The following DCC variants were observed in gnomAD, a reference collection of about 807,000 sequenced individuals.
The protein encoded by DCC is netrin receptor DCC.
Under a neutral mutation model 172.5 loss-of-function variants are expected in DCC, and 58 were observed. The observed-to-expected ratio is 0.34, with a 90% CI of 0.27 to 0.42. The LOEUF is 0.42. Among genes scored for constraint, DCC ranks in the 10% least tolerant of loss-of-function variants. The pLI, the probability that DCC is intolerant of heterozygous loss-of-function variation, is 1.00. For synonymous variants in DCC, 709 were observed against 644.5 expected (o/e 1.10, Z -1.52); for missense variants, 1,740 against 1,791.0 (o/e 0.97, Z 0.51).
At chr18:53,470,862 A>T (rs1277030440) in intron 25 of DCC, among the ~76,000 whole-genome samples, 4 of 152,186 alleles carry the variant, frequency 2.6e-5, no homozygotes, top group Non-Finnish European at 5.9e-5. Flanking sequence ...CCTTCTCTTG[A>T]CATGTGGGGA....
At chr18:53,015,967 T>C (rs1165159698) in intron 5 of DCC, among the ~76,000 whole-genome samples, 1 of 152,170 alleles carries the variant, frequency 6.6e-6, no homozygotes, top group African/African-American at 2.4e-5. Flanking sequence ...ACTTGTGGAA[T>C]TCATTAAGTA....
intron 1 of DCC, among the ~76,000 whole-genome samples, chr18:52,484,815 G>GAA (rs33941491): frequency 0.017 from 2,299 of 136,546 alleles, 44 homozygotes; most frequent in East Asian, 0.04. Context: ...TTTTAAAAAG[G>GAA]AAAAAAAAAA....
intron 21 of DCC, among the ~76,000 whole-genome samples, chr18:53,417,590 CCT>C (rs972496630): frequency 6.6e-6 from 1 of 152,098 alleles, no homozygotes; most frequent in African/African-American, 2.4e-5. Flanking sequence ...ATTGAAACAA[CCT>C]CTCATAACCT....
At chr18:52,360,176 T>C (rs1984557061) in intron 1 of DCC, among the ~76,000 whole-genome samples, 1 of 152,218 alleles carries the variant, frequency 6.6e-6, no homozygotes, top group Non-Finnish European at 1.5e-5. Context: ...CTGTGAACCG[T>C]TTATTATTTA....
At position 52,364,891 on chromosome 18, in the gene DCC, A is replaced by G. The variant is rs563888525; in HGVS notation, c.91+24013A>G. On this transcript the variant is annotated intron_variant, in intron 1 of 28. Transcript: ENST00000442544. ...ATGAGTTTCTTGGGTGATCCTTTTCACCTCCTACTCCCACTATATTTTTTC... is the reference window on the plus strand; with the variant it reads ...ATGAGTTTCTTGGGTGATCCTTTTCGCCTCCTACTCCCACTATATTTTTTC... 1.8e-4 allele frequency among the ~76,000 whole-genome samples: 27 copies of G among 151,990 alleles called. No individual in the cohort carries two copies. The South Asian group carries it at 3.7e-3, about 21-fold the overall frequency.
In DCC at chr18:52,999,746, A is replaced by AT. The variant is rs1369087762; in HGVS notation, c.986-63556dup. On this transcript the variant is annotated intron_variant, in intron 5 of 28. Transcript: ENST00000442544. ...ACTGGACCAATTATTATCATCCATAATTTATGAAATTATTGGCTTAACACC... is the reference window on the plus strand; with the variant it reads ...ACTGGACCAATTATTATCATCCATAATTTTATGAAATTATTGGCTTAACACC... Among the ~76,000 whole-genome samples the AT allele has an allele frequency of 4.6e-5, 7 of 152,014 alleles. 1 individual carries two copies. The highest frequency in any genetic ancestry group is 1.7e-4 in the African/African-American group (7 of 41,352).
chr18:53,499,104 A>G lies in DCC; in HGVS notation c.3899-194A>G, dbSNP rs73960506. On this transcript the variant is annotated intron_variant, in intron 26 of 28. Coordinates refer to ENST00000442544, the MANE Select transcript of DCC (RefSeq NM_005215.4). Reference sequence around the variant, plus strand: ...TTCCTGTCCTGCTGGATCTATTTCTATTGTTTAAAGGGGAAGTGCTGTCAT... The same window carrying G: ...TTCCTGTCCTGCTGGATCTATTTCTGTTGTTTAAAGGGGAAGTGCTGTCAT... 8.5e-3 allele frequency among the ~76,000 whole-genome samples: 1,288 copies of G among 152,250 alleles called. 13 individuals are homozygous for G. The highest frequency in any genetic ancestry group is 0.03 in the African/African-American group (1,236 of 41,548).
intron 7 of DCC, among the ~76,000 whole-genome samples, chr18:53,155,207 C>T (rs1373813260): frequency 6.6e-6 from 1 of 151,892 alleles, no homozygotes; most frequent in African/African-American, 2.4e-5. Context: ...TTCCACTACC[C>T]AGATGAATTT....
chr18:52,816,560 C>T (rs2038300791), intron 2 of DCC: 1 of 148,914 alleles, frequency 6.7e-6, no homozygotes, highest in African/African-American at 2.5e-5. Context: ...GCTGTTTTTT[C>T]CTCTATAGAA....
chr18:53,095,766 A>C (rs2043076919), intron 7 of DCC, among the ~76,000 whole-genome samples: 1 of 148,354 alleles, frequency 6.7e-6, no homozygotes, highest in South Asian at 2.2e-4. Context: ...TAAATTAACA[A>C]TTTCTAGGGA....
At chr18:53,383,120 AGGTTT>A (rs1453715078) in intron 15 of DCC, among the ~76,000 whole-genome samples, 2 of 152,138 alleles carry the variant, frequency 1.3e-5, no homozygotes, top group African/African-American at 4.8e-5. Context: ...CAGACTAAGT[AGGTTT>A]GATCCCTTTG....
intron 21 of DCC, among the ~76,000 whole-genome samples, chr18:53,431,630 A>C (rs1271928915): frequency 6.6e-6 from 1 of 151,950 alleles, no homozygotes; most frequent in African/African-American, 2.4e-5. Context: ...GACTACAGGC[A>C]TGCGCCACCG....
chr18:52,486,488 T>C (rs1426632162), intron 1 of DCC, among the ~76,000 whole-genome samples: 1 of 152,162 alleles, frequency 6.6e-6, no homozygotes, highest in African/African-American at 2.4e-5. Flanking sequence ...GAATTCATAT[T>C]ACTTGCTGTA....
intron 18 of DCC, among the ~76,000 whole-genome samples, chr18:53,402,400 A>AG (rs1308055658): frequency 7.6e-6 from 1 of 131,610 alleles, no homozygotes; most frequent in Non-Finnish European, 1.8e-5. Context: ...AAAAAAAAAA[A>AG]AAAATAAATA....
At chr18:52,855,391 A>G (rs552843834) in intron 2 of DCC, among the ~76,000 whole-genome samples, 77 of 152,380 alleles carry the variant, frequency 5.1e-4, no homozygotes, top group African/African-American at 1.5e-3. Context: ...ATAGTAAACA[A>G]AACGTCTTAG....
chr18:53,001,794 C>T lies in DCC; in HGVS notation c.986-61511C>T, dbSNP rs146845514. On this transcript the variant is annotated intron_variant, in intron 5 of 28. Coordinates refer to ENST00000442544, the MANE Select transcript of DCC (RefSeq NM_005215.4). ...CTTTGGTTATGTTTTCTAGGATTGGCCATGTGAGTGTGACCATATGATGAG... is the reference window on the plus strand; with the variant it reads ...CTTTGGTTATGTTTTCTAGGATTGGTCATGTGAGTGTGACCATATGATGAG... Among the ~76,000 whole-genome samples the T allele has an allele frequency of 1.6e-3, 236 of 152,094 alleles. 1 individual carries two copies. Among genetic ancestry groups the T allele is most frequent in the African/African-American group, 5.4e-3 (224 of 41,494 alleles).
chr18:52,849,934 C>T (rs920653891), intron 2 of DCC, among the ~76,000 whole-genome samples: 6 of 151,962 alleles, frequency 3.9e-5, no homozygotes, highest in Admixed American at 6.6e-5. Flanking sequence ...TTATAAGCCA[C>T]GACAAAAATG....
At chr18:52,656,018 GTA>G (rs202054739) in intron 1 of DCC, among the ~76,000 whole-genome samples, 4,651 of 107,872 alleles carry the variant, frequency 0.043, 119 homozygotes, top group Admixed American at 0.12. Flanking sequence ...ATATATGTGT[GTA>G]TATATATGTA....
intron 1 of DCC, among the ~76,000 whole-genome samples, chr18:52,700,170 A>ATG (rs2036085609): frequency 6.7e-6 from 1 of 150,210 alleles, no homozygotes. Context: ...ATGCACACGC[A>ATG]CACACACATG....
Sources: gnomAD v4.1 joint callset for allele counts (sites outside exome capture counted in the v4.1 genomes callset) on GRCh38, gnomAD v4.1.1 for gene constraint, MANE v1.5 for transcripts, NCBI Gene and HGNC (gene_info 2026-07-23, HGNC 2026-07-21) for gene names.